NKAIN3: variants seen among roughly 807,000 people sequenced by gnomAD.
NKAIN3 encodes sodium/potassium-transporting ATPase subunit beta-1-interacting protein 3.
NKAIN3 carries 25 observed loss-of-function variants against 30.2 expected under a neutral mutation model. The observed-to-expected ratio is 0.83, with a 90% CI of 0.60 to 1.16. The LOEUF (loss-of-function observed/expected upper bound fraction) is 1.16, where lower values mean the gene tolerates loss of function less well. NKAIN3 is among the 50% of genes most tolerant of loss of function. NKAIN3 has a pLI of 0.00. For missense variants in NKAIN3, 225 were observed against 254.1 expected (o/e 0.89, Z 0.78); for synonymous variants, 91 against 89.6 (o/e 1.02, Z -0.09).
chr8:62,605,298 G>A (rs1811090608), intron 3 of NKAIN3, among the ~76,000 whole-genome samples: 1 of 152,014 alleles, frequency 6.6e-6, no homozygotes, highest in Non-Finnish European at 1.5e-5. Context: ...AAAACAAAAT[G>A]AGCCTAATAA....
At chr8:62,892,666 T>A (rs966694107) in intron 4 of NKAIN3, among the ~76,000 whole-genome samples, 1 of 151,024 alleles carries the variant, frequency 6.6e-6, no homozygotes, top group African/African-American at 2.5e-5. Flanking sequence ...GGTACTCTCA[T>A]GTCAAAATCT....
At chr8:62,874,754 T>C (rs1265564607) in intron 4 of NKAIN3, among the ~76,000 whole-genome samples, 1 of 152,098 alleles carries the variant, frequency 6.6e-6, no homozygotes, top group Non-Finnish European at 1.5e-5. Flanking sequence ...AGGCCTTTGA[T>C]AAAATTCAAC....
chr8:62,830,345 A>C (rs949246348), intron 4 of NKAIN3, among the ~76,000 whole-genome samples: 4 of 152,152 alleles, frequency 2.6e-5, no homozygotes, highest in African/African-American at 7.2e-5. Flanking sequence ...TTTTCCCTTT[A>C]TACTCAATAT....
At chr8:62,284,365 T>TA (rs1168973256) in intron 1 of NKAIN3, among the ~76,000 whole-genome samples, 1 of 152,052 alleles carries the variant, frequency 6.6e-6, no homozygotes, top group Non-Finnish European at 1.5e-5. Flanking sequence ...CGCGGTGGCT[T>TA]ACGTCTGTAA....
At chr8:62,779,153 T>TG (rs751489876) in intron 4 of NKAIN3, among the ~76,000 whole-genome samples, 1 of 152,078 alleles carries the variant, frequency 6.6e-6, no homozygotes, top group Non-Finnish European at 1.5e-5. Flanking sequence ...TACAAAGCTG[T>TG]GATCTGTACT....
chr8:62,359,762 A>G (rs1301902922), intron 1 of NKAIN3, among the ~76,000 whole-genome samples: 1 of 152,228 alleles, frequency 6.6e-6, no homozygotes. Context: ...TGGTAGGGCT[A>G]CACAGACAGC....
intron 4 of NKAIN3, among the ~76,000 whole-genome samples, chr8:62,875,072 C>T (rs368189310): frequency 6.6e-5 from 10 of 152,070 alleles, no homozygotes; most frequent in African/African-American, 1.9e-4. Flanking sequence ...AAAACCCCAT[C>T]GTCGCAGCCC....
chr8:62,990,308 A>C (rs1824295342), intron 5 of NKAIN3: 1 of 1,414,466 alleles, frequency 7.1e-7, no homozygotes, highest in East Asian at 2.7e-5. Context: ...GAGGTGATGC[A>C]TTATTTTAGA....
At chr8:62,281,379 A>T (rs145142063) in intron 1 of NKAIN3, among the ~76,000 whole-genome samples, 1 of 151,858 alleles carries the variant, frequency 6.6e-6, no homozygotes, top group Non-Finnish European at 1.5e-5. Context: ...ATCTCCTTCA[A>T]TTCTGCTCTG....
intron 4 of NKAIN3, among the ~76,000 whole-genome samples, chr8:62,790,579 GTC>G (rs1554578139): frequency 3.0e-3 from 156 of 51,972 alleles, no homozygotes; most frequent in Middle Eastern, 0.01. Flanking sequence ...CTGTCTGTCT[GTC>G]TGTGTGTGTG....
intron 3 of NKAIN3, among the ~76,000 whole-genome samples, chr8:62,657,355 A>T (rs1157405153): frequency 6.6e-6 from 1 of 152,320 alleles, no homozygotes; most frequent in African/African-American, 2.4e-5. Context: ...ATTATAATTC[A>T]TTTGGATCCA....
chr8:62,570,411 T>A (rs1327402120), intron 1 of NKAIN3, among the ~76,000 whole-genome samples: 1 of 152,130 alleles, frequency 6.6e-6, no homozygotes, highest in Non-Finnish European at 1.5e-5. Flanking sequence ...AAAGACATAC[T>A]CGAGACAGGG....
chr8:62,309,296 TTTTA>T (rs1304031418), intron 1 of NKAIN3, among the ~76,000 whole-genome samples: 4 of 150,456 alleles, frequency 2.7e-5, no homozygotes, highest in Non-Finnish European at 5.9e-5. Flanking sequence ...CAAAATAAAA[TTTTA>T]TTTGAATTTC....
At chr8:62,523,657 G>C (rs954364817) in intron 1 of NKAIN3, among the ~76,000 whole-genome samples, 1 of 152,082 alleles carries the variant, frequency 6.6e-6, no homozygotes, top group Non-Finnish European at 1.5e-5. Context: ...ACACTATAGG[G>C]CGCACAGCAT....
chr8:62,590,731 G>T (rs1264972295), intron 3 of NKAIN3, among the ~76,000 whole-genome samples: 1 of 151,770 alleles, frequency 6.6e-6, no homozygotes, highest in Non-Finnish European at 1.5e-5. Context: ...AGTCCTTGTG[G>T]TAACAAAACA....
intron 3 of NKAIN3, among the ~76,000 whole-genome samples, chr8:62,675,462 A>T (rs1186782267): frequency 6.6e-6 from 1 of 152,226 alleles, no homozygotes; most frequent in Non-Finnish European, 1.5e-5. Flanking sequence ...TGAGAAATTC[A>T]TCCAAACTTT....
intron 4 of NKAIN3, among the ~76,000 whole-genome samples, chr8:62,785,900 T>C (rs950951372): frequency 3.3e-5 from 5 of 152,162 alleles, no homozygotes; most frequent in African/African-American, 9.7e-5. Context: ...TGGCTTTAGA[T>C]AGGCAATTAA....
At chr8:62,813,030 A>G (rs565450738) in intron 4 of NKAIN3, among the ~76,000 whole-genome samples, 1 of 151,832 alleles carries the variant, frequency 6.6e-6, no homozygotes, top group Non-Finnish European at 1.5e-5. Context: ...TTGTTTATTA[A>G]TTGAAGGCCT....
rs182589974 is a variant in NKAIN3, at chr8:62,750,843, T to G, written c.471+3714T>G. ...GTCAAAGACAAGCAGACTCCGGCCC[T>G]GGGATGGTGAGTCCCCCGCTCTGTG... On this transcript the variant is annotated intron_variant, in intron 4 of 6. Transcript: ENST00000623646. 2.8e-3 allele frequency among the ~76,000 whole-genome samples: 425 copies of G among 152,202 alleles called. 1 individual carries two copies. Among genetic ancestry groups the G allele is most frequent in the African/African-American group, 9.8e-3 (408 of 41,504 alleles).
Sources: allele counts gnomAD v4.1 joint callset (sites outside exome capture counted in the v4.1 genomes callset), GRCh38; gene constraint gnomAD v4.1.1; transcripts MANE v1.5; gene names NCBI Gene and HGNC (gene_info 2026-07-23, HGNC 2026-07-21).